Variants in ADGRL1 observed in about 807,000 individuals in gnomAD.
ADGRL1 encodes the protein adhesion G protein-coupled receptor L1, also known as CIRL-1.
Under a neutral mutation model 148.9 loss-of-function variants are expected in ADGRL1, and 31 were observed. The ratio of observed to expected loss-of-function variants is 0.21; its 90% CI spans 0.16 to 0.28. The LOEUF is 0.28. ADGRL1 is among the 10% of genes least tolerant of loss of function. The pLI, the probability that ADGRL1 is intolerant of heterozygous loss-of-function variation, is 1.00. For synonymous variants in ADGRL1, 937 were observed against 900.3 expected (o/e 1.04, Z -0.73); for missense variants, 1,521 against 2,058.8 (o/e 0.74, Z 5.05).
chr19:14,199,143 T>C (rs1972445466), intron 1 of ADGRL1, among the ~76,000 whole-genome samples: 1 of 152,144 alleles, frequency 6.6e-6, no homozygotes, highest in South Asian at 2.1e-4. Flanking sequence ...CAGGTTCAAA[T>C]CCAGGCTGTG....
rs1568565676 is a variant in ADGRL1 at position 14,152,863 on chromosome 19, C to T, written c.3344G>A (p.Arg1115His). The T allele has an allele frequency of 1.5e-5, 24 of 1,614,114 alleles. No individual in the cohort carries two copies. Among genetic ancestry groups the T allele is most frequent in the Non-Finnish European group, 1.9e-5 (22 of 1,179,996 alleles). ...TCCGTGAGTGCCCCCGGGTGGGGAG[C>T]GGATGCAGCAGTAGGAGTGACGCAG... is the stretch of plus-strand genomic sequence containing the variant. ...KCLRHSYCCI[R>H]SPPGGTHGSL... Residue 1115 changes from arginine to histidine, a missense_variant, in exon 19 of 23, where the codon CGC becomes CAC. By Grantham distance (29) the Arg-to-His change is conservative. Around this residue, in one of 8 missense-constraint regions of ADGRL1, gnomAD observed 185 missense variants for 251.7 expected, o/e 0.74. Coordinates refer to ENST00000361434, the MANE Select transcript of ADGRL1 (RefSeq NM_014921.5). The surrounding 1 kb of genome is among the most constrained non-coding windows in gnomAD (Gnocchi z 6.1).
At chr19:14,200,170 G>T (rs1420535200) in intron 1 of ADGRL1, among the ~76,000 whole-genome samples, 1 of 152,210 alleles carries the variant, frequency 6.6e-6, no homozygotes, top group Non-Finnish European at 1.5e-5. Context: ...CCTGGGCAGG[G>T]TCACAGCCCG....
chr19:14,187,300 T>C (rs562809928), intron 1 of ADGRL1, among the ~76,000 whole-genome samples: 12 of 152,204 alleles, frequency 7.9e-5, no homozygotes, highest in South Asian at 6.2e-4. Flanking sequence ...GATTGTGCCA[T>C]TGCACTCCAG....
intron 1 of ADGRL1, among the ~76,000 whole-genome samples, chr19:14,196,225 GC>G (rs1972252473): frequency 1.3e-5 from 2 of 152,200 alleles, no homozygotes; most frequent in African/African-American, 4.8e-5. Context: ...CCACCAGAGG[GC>G]GCGTGTGAGC....
rs150460592 is a variant in ADGRL1 at position 14,162,799 on chromosome 19, C to A, written c.1002G>T (p.Ala334=). 2.5e-6 allele frequency: 4 copies of A among 1,613,886 alleles called. No homozygotes were observed. The South Asian group carries it at 4.4e-5, about 18-fold the overall frequency. ...RSVYVDDDSE[A]AGNRVDYAFN... Reference sequence around the variant, plus strand: ...AGGCATAGTCCACGCGGTTGCCAGCCGCCTCGCTGTCATCATCCACGTACA... The same window carrying A: ...AGGCATAGTCCACGCGGTTGCCAGCAGCCTCGCTGTCATCATCCACGTACA... The change falls in exon 5 of 23, where the codon GCG becomes GCT. Residue 334 remains alanine (A), a synonymous_variant. Transcript: ENST00000361434. The surrounding 1 kb of genome is among the most constrained non-coding windows in gnomAD (Gnocchi z 5.4).
intron 3 of ADGRL1, 137 bp from the exon 4 acceptor site, chr19:14,170,928 T>C: frequency 5.0e-6 from 3 of 604,478 alleles, no homozygotes; most frequent in Non-Finnish European, 9.0e-6. Flanking sequence ...CCAAGTGATA[T>C]AGTTTGGATC....
intron 3 of ADGRL1, among the ~76,000 whole-genome samples, chr19:14,173,212 C>T (rs955957283): frequency 2.0e-5 from 3 of 152,108 alleles, no homozygotes; most frequent in African/African-American, 4.8e-5. Context: ...CTACCCGTCT[C>T]GACCTCCCAA....
intron 1 of ADGRL1, among the ~76,000 whole-genome samples, chr19:14,186,330 T>C (rs1000290096): frequency 6.6e-5 from 10 of 152,210 alleles, no homozygotes; most frequent in Non-Finnish European, 1.3e-4. Flanking sequence ...AGTGCTGGGA[T>C]TACTGCGTGA....
At position 14,160,277 on chromosome 19, in the gene ADGRL1, C is replaced by A; in HGVS notation, c.1635G>T (p.Ala545=). Residue 545 remains alanine (A), a synonymous_variant, in exon 8 of 23, where the codon GCG becomes GCT. Transcript: ENST00000361434. The surrounding 1 kb of genome is among the most constrained non-coding windows in gnomAD (Gnocchi z 5.9). ...VAQKIKSGEN[A]ANIASELARH... is the part of the protein sequence containing the mutation. Reference sequence around the variant, plus strand: ...GGGCCAGCTCGCTGGCGATGTTGGCCGCGTTCTCCCCACTCTTGATCTGCA... The same window carrying A: ...GGGCCAGCTCGCTGGCGATGTTGGCAGCGTTCTCCCCACTCTTGATCTGCA... The A allele has an allele frequency of 1.3e-6, 2 of 1,591,854 alleles. No homozygotes were observed. The highest frequency in any genetic ancestry group is 8.6e-7 in the Non-Finnish European group (1 of 1,162,072).
Position 14,159,080 on chromosome 19 carries a change from G to C in ADGRL1, c.2149+10C>G, listed in dbSNP as rs754807707. The C allele has an allele frequency of 1.9e-6, 3 of 1,613,494 alleles. No homozygotes were observed. The highest frequency in any genetic ancestry group is 1.1e-5 in the South Asian group (1 of 91,054). The stretch of plus-strand genomic sequence containing the variant: ...GCTTCCCCACCCGAGGCCCCGCCGG[G>C]GACACTGACCATTGCGGCTGTTCTG... On this transcript the variant is annotated intron_variant, in intron 11 of 22. Coordinates refer to ENST00000361434, the MANE Select transcript of ADGRL1 (RefSeq NM_014921.5). The surrounding 1 kb of genome is among the most constrained non-coding windows in gnomAD (Gnocchi z 6.0).
chr19:14,203,143 T>C (rs1972725565), intron 1 of ADGRL1, among the ~76,000 whole-genome samples: 1 of 151,986 alleles, frequency 6.6e-6, no homozygotes, highest in South Asian at 2.1e-4. Flanking sequence ...TCAGGGTCAC[T>C]GGGGTCAGGG....
At chr19:14,177,798 G>C (rs549554506) in intron 2 of ADGRL1, 54 bp from the exon 3 acceptor site, 2 of 1,512,368 alleles carry the variant, frequency 1.3e-6, no homozygotes, top group East Asian at 4.6e-5. Flanking sequence ...AGGAAGGGAA[G>C]ACCCTACCCA....
intron 1 of ADGRL1, 105 bp from the exon 2 acceptor site, chr19:14,183,802 C>G: frequency 1.7e-6 from 1 of 572,000 alleles, no homozygotes; most frequent in Non-Finnish European, 3.1e-6. Flanking sequence ...TCCAGCACGT[C>G]CCTCGAGCCA....
rs1968673106 is a variant in ADGRL1, at chr19:14,155,864, A to T, written c.3125+246T>A. 1 of 581,660 alleles carries T rather than the reference A, an allele frequency of 1.7e-6. No homozygotes were observed. Among genetic ancestry groups the T allele is most frequent in the Admixed American group, 3.0e-5 (1 of 32,948 alleles). 36.0% of individuals were successfully genotyped at this position (581,660 alleles called of 1,614,324 possible). A position where few individuals can be genotyped will look rare whatever the true frequency, so the allele number is the denominator to read the frequency against. On this transcript the variant is annotated intron_variant, in intron 17 of 22. Transcript: ENST00000361434. This position sits in a 1 kb window ranked among gnomAD's most constrained non-coding sequence, Gnocchi z 5.0. ...TGCCCTTAAACAGACTCACCTTTTG[A>T]ATTTAGCCTCAGCCTACATACCGAT... is the stretch of plus-strand genomic sequence containing the variant.
At chr19:14,178,636 C>A (rs887825016) in intron 2 of ADGRL1, among the ~76,000 whole-genome samples, 1 of 152,136 alleles carries the variant, frequency 6.6e-6, no homozygotes, top group Non-Finnish European at 1.5e-5. Context: ...CCTGCCTCAA[C>A]CTCCCAAGTA....
intron 1 of ADGRL1, among the ~76,000 whole-genome samples, chr19:14,185,885 C>T (rs535227051): frequency 6.6e-6 from 1 of 152,368 alleles, no homozygotes; most frequent in African/African-American, 2.4e-5. Context: ...GCCCCAGGGC[C>T]TTTGCACCTG....
chr19:14,151,696 G>T, intron 22 of ADGRL1, 81 bp from the exon 23 acceptor site: 2 of 1,350,428 alleles, frequency 1.5e-6, no homozygotes, highest in Non-Finnish European at 2.0e-6. Context: ...CGGTCCATGT[G>T]GAGAAGTGGG....
intron 2 of ADGRL1, among the ~76,000 whole-genome samples, chr19:14,182,710 C>T (rs1005015533): frequency 1.3e-5 from 2 of 152,194 alleles, no homozygotes; most frequent in African/African-American, 2.4e-5. Context: ...GCAGCCCTCC[C>T]GGCCCAGCTG....
rs561260958 is a variant in ADGRL1 at position 14,160,099 on chromosome 19, C to T, written c.1800+13G>A. ...CCTCCCCATACCAGGTCAGCGCCAC[C>T]GCCAGGCCCCACCTTGTTGTAGTTC... On this transcript the variant is annotated intron_variant, in intron 8 of 22. Transcript: ENST00000361434. The surrounding 1 kb of genome is among the most constrained non-coding windows in gnomAD (Gnocchi z 5.9). The T allele has an allele frequency of 1.5e-5, 23 of 1,568,644 alleles. No individual in the cohort carries two copies. Among genetic ancestry groups the T allele is most frequent in the East Asian group, 6.8e-5 (3 of 43,884 alleles).
Sources: allele counts gnomAD v4.1 joint callset (sites outside exome capture counted in the v4.1 genomes callset), GRCh38; gene constraint gnomAD v4.1.1; regional missense constraint gnomAD v4.1.1; non-coding constraint Gnocchi (gnomAD v3.1); transcripts MANE v1.5; gene names NCBI Gene and HGNC (gene_info 2026-07-23, HGNC 2026-07-21).